Variants in NPHS2 observed in about 807,000 individuals in gnomAD.
NPHS2 encodes the protein podocin.
NPHS2 carries 36 observed loss-of-function variants against 37.1 expected under a neutral mutation model. The observed-to-expected ratio is 0.97, with a 90% CI of 0.74 to 1.28. The LOEUF (loss-of-function observed/expected upper bound fraction) is 1.28. NPHS2 is among the 50% of genes most tolerant of loss of function. NPHS2 has a pLI of 0.00. For missense variants in NPHS2, 447 were observed against 488.1 expected (o/e 0.92, Z 0.79); for synonymous variants, 196 against 189.3 (o/e 1.04, Z -0.29).
rs776016942 is a variant in NPHS2, at chr1:179,551,452, C to G, written c.874-1G>C. 1 of 1,613,028 alleles carries G rather than the reference C, an allele frequency of 6.2e-7. No homozygotes were observed. The highest frequency in any genetic ancestry group is 8.5e-7 in the Non-Finnish European group (1 of 1,180,020). ...CCTTTTCCGCTTCTGCAGCAATCAT[C>G]TAGAAAACATGTGACGAAAGCAAAG... On this transcript the variant is annotated splice_acceptor_variant, in intron 7 of 7. Coordinates refer to ENST00000367615, the MANE Select transcript of NPHS2 (RefSeq NM_014625.4). LOFTEE classifies it high-confidence loss of function.
At position 179,564,703 on chromosome 1, in the gene NPHS2, C is replaced by A. The variant is rs750332447; in HGVS notation, c.365G>T (p.Trp122Leu). 1.2e-6 allele frequency: 2 copies of A among 1,613,758 alleles called. No individual in the cohort carries two copies. Among genetic ancestry groups the A allele is most frequent in the Non-Finnish European group, 1.7e-6 (2 of 1,179,884 alleles). ...FIIMTFPFSIWFCVKVVQEYE... is the reference protein window; with the variant it reads ...FIIMTFPFSILFCVKVVQEYE... Reference sequence around the variant, plus strand: ...ATGGAATCTCACCTTTACGCAGAACCAGATGGAAAAAGGGAAGGTCATGAT... The same window carrying A: ...ATGGAATCTCACCTTTACGCAGAACAAGATGGAAAAAGGGAAGGTCATGAT... Residue 122 changes from tryptophan to leucine, a missense_variant, in exon 2 of 8, where the codon TGG becomes TTG. Coordinates refer to ENST00000367615, the MANE Select transcript of NPHS2 (RefSeq NM_014625.4).
Position 179,554,463 on chromosome 1 carries a change from A to T in NPHS2, c.794+13T>A, listed in dbSNP as rs1423094126. The T allele has an allele frequency of 6.2e-6, 10 of 1,613,992 alleles. No homozygotes were observed. Among genetic ancestry groups the T allele is most frequent in the Non-Finnish European group, 7.6e-6 (9 of 1,180,016 alleles). ...TTTATCATACAGTTCTTGCTAGTTA[A>T]TTTCCTACCCACATTTCTATTCTCT... On this transcript the variant is annotated intron_variant, in intron 6 of 7. Coordinates refer to ENST00000367615, the MANE Select transcript of NPHS2 (RefSeq NM_014625.4).
rs913564664 is a variant in NPHS2 at position 179,556,629 on chromosome 1, C to G, written c.738+398G>C. Among the ~76,000 whole-genome samples the G allele has an allele frequency of 6.6e-6, 1 of 152,152 alleles. No individual in the cohort carries two copies. Among genetic ancestry groups the G allele is most frequent in the Non-Finnish European group, 1.5e-5 (1 of 68,028 alleles). ...TTTGAACTTATTATTTAACTTGGCA[C>G]TCATTATGCTTGTTTCCCCAGGTAG... On this transcript the variant is annotated intron_variant, in intron 5 of 7. Coordinates refer to ENST00000367615, the MANE Select transcript of NPHS2 (RefSeq NM_014625.4). The surrounding 1 kb of genome is among the most constrained non-coding windows in gnomAD (Gnocchi z 4.1).
intron 2 of NPHS2, among the ~76,000 whole-genome samples, chr1:179,561,937 C>G (rs1674155365): frequency 6.6e-6 from 1 of 152,108 alleles, no homozygotes; most frequent in Admixed American, 6.5e-5. Flanking sequence ...TCCCAAGTAG[C>G]TGGTATTACA....
In NPHS2 at chr1:179,557,220, T is replaced by C; in HGVS notation, c.545A>G (p.Lys182Arg). 6.2e-7 allele frequency: 1 copy of C among 1,613,974 alleles called. No homozygotes were observed. The highest frequency in any genetic ancestry group is 8.5e-7 in the Non-Finnish European group (1 of 1,179,900). The change falls in exon 5 of 8, where the codon AAA becomes AGA. Residue 182 changes from lysine to arginine, a missense_variant. Coordinates refer to ENST00000367615, the MANE Select transcript of NPHS2 (RefSeq NM_014625.4). The stretch of plus-strand genomic sequence containing the variant: ...ATCTATCTCCATTATAAACATGTCT[T>C]TGGTCACGATCTAGGCAGAAAAAAG... The part of the protein sequence containing the change: ...LEIPFHEIVT[K>R]DMFIMEIDAI...
In NPHS2 at chr1:179,556,691, G is replaced by A. The variant is rs148543084; in HGVS notation, c.738+336C>T. On this transcript the variant is annotated intron_variant, in intron 5 of 7. Transcript: ENST00000367615. This position sits in a 1 kb window ranked among gnomAD's most constrained non-coding sequence, Gnocchi z 4.1. Reference sequence around the variant, plus strand: ...CTGGGAACCATGCTTTATCATCTTTGTGTACCAACCCCTCCTGTCCATCCC... The same window carrying A: ...CTGGGAACCATGCTTTATCATCTTTATGTACCAACCCCTCCTGTCCATCCC... 4.0e-3 allele frequency among the ~76,000 whole-genome samples: 616 copies of A among 152,204 alleles called. 1 individual carries two copies. The highest frequency in any genetic ancestry group is 6.0e-3 in the South Asian group (29 of 4,822).
In NPHS2 at chr1:179,551,760, C is replaced by G. The variant is rs186799757; in HGVS notation, c.874-309G>C. On this transcript the variant is annotated intron_variant, in intron 7 of 7. Coordinates refer to ENST00000367615, the MANE Select transcript of NPHS2 (RefSeq NM_014625.4). Reference sequence around the variant, plus strand: ...CCAACATAGAGAAAAGATTAGCCAGCATTCCATGCAAAGGCATGACGTTAT... The same window carrying G: ...CCAACATAGAGAAAAGATTAGCCAGGATTCCATGCAAAGGCATGACGTTAT... 468 of 374,004 alleles carry G rather than the reference C, an allele frequency of 1.3e-3. 2 individuals are homozygous for G. Among genetic ancestry groups the G allele is most frequent in the Non-Finnish European group, 7.9e-4 (159 of 201,880 alleles). 23.2% of individuals were successfully genotyped at this position (374,004 alleles called of 1,614,324 possible). A position where few individuals can be genotyped will look rare whatever the true frequency, so the allele number is the denominator to read the frequency against.
At chr1:179,573,948 T>C (rs2101884849) in intron 1 of NPHS2, among the ~76,000 whole-genome samples, 1 of 152,204 alleles carries the variant, frequency 6.6e-6, no homozygotes. Context: ...TGTCTGAGAG[T>C]CCCCAACATT....
rs537081997 is a variant in NPHS2, at chr1:179,566,893, C to A, written c.275-2100G>T. On this transcript the variant is annotated intron_variant, in intron 1 of 7. Transcript: ENST00000367615. ...TGGTTGTAGATGTGTTGTGTTATTT[C>A]TGAGGCCTCTGTTCTGTTCCATTGG... Among the ~76,000 whole-genome samples the A allele has an allele frequency of 2.0e-5, 3 of 152,306 alleles. No individual in the cohort carries two copies. The South Asian group carries it at 6.2e-4, about 32-fold the overall frequency.
chr1:179,553,916 T>G (rs1326278825), intron 6 of NPHS2, among the ~76,000 whole-genome samples: 1 of 149,712 alleles, frequency 6.7e-6, no homozygotes, highest in Non-Finnish European at 1.5e-5. Context: ...TGGCTAATTT[T>G]TTTTTTTTTT....
chr1:179,570,356 A>G (rs1674504998), intron 1 of NPHS2, among the ~76,000 whole-genome samples: 1 of 152,236 alleles, frequency 6.6e-6, no homozygotes, highest in Non-Finnish European at 1.5e-5. Flanking sequence ...CAAGCCAGTC[A>G]TTAGCATTGT....
At chr1:179,552,809 T>C in intron 6 of NPHS2, 128 bp from the exon 7 acceptor site, 1 of 742,044 alleles carries the variant, frequency 1.3e-6, no homozygotes, top group Non-Finnish European at 2.4e-6. Context: ...GACCAGAGTG[T>C]GCCATTCCTA....
intron 1 of NPHS2, among the ~76,000 whole-genome samples, chr1:179,574,058 TC>T (rs1454836733): frequency 6.6e-6 from 1 of 152,110 alleles, no homozygotes; most frequent in Non-Finnish European, 1.5e-5. Context: ...TACTCTCTGT[TC>T]CCCGTGAGCT....
rs146817770 is a variant in NPHS2, at chr1:179,552,939, T to C, written c.795-258A>G. 2.2e-4 allele frequency among the ~76,000 whole-genome samples: 34 copies of C among 152,330 alleles called. No homozygotes were observed. The East Asian group carries it at 5.4e-3, about 24-fold the overall frequency. ...CATTATCAGCACAGCAGGTTTTGTA[T>C]TGATGAGCTGTGCTCAGTTTTTCCG... On this transcript the variant is annotated intron_variant, in intron 6 of 7. Transcript: ENST00000367615.
chr1:179,560,591 C>G (rs1434319760), intron 3 of NPHS2, among the ~76,000 whole-genome samples: 2 of 152,092 alleles, frequency 1.3e-5, no homozygotes, highest in African/African-American at 4.8e-5. Flanking sequence ...TGTCCCTAGT[C>G]TGGTCTCTGT....
At chr1:179,565,820 T>C (rs1674313650) in intron 1 of NPHS2, among the ~76,000 whole-genome samples, 1 of 146,238 alleles carries the variant, frequency 6.8e-6, no homozygotes, top group Non-Finnish European at 1.5e-5. Flanking sequence ...AAACATGTGG[T>C]GTTTGCTTTT....
Position 179,550,744 on chromosome 1 carries a change from T to G in NPHS2, c.*429A>C. 4.4e-6 allele frequency: 1 copy of G among 226,784 alleles called. No homozygotes were observed. Among genetic ancestry groups the G allele is most frequent in the Non-Finnish European group, 8.8e-6 (1 of 113,296 alleles). 14.0% of individuals were successfully genotyped at this position (226,784 alleles called of 1,614,324 possible). A position where few individuals can be genotyped will look rare whatever the true frequency, so the allele number is the denominator to read the frequency against. On this transcript the variant is annotated 3_prime_UTR_variant, in exon 8 of 8. Coordinates refer to ENST00000367615, the MANE Select transcript of NPHS2 (RefSeq NM_014625.4). ...TATCATTGGAGAGAAGACTGCATCT[T>G]TGGGACAGAAGAGCAATAGAGTGTG...
chr1:179,565,822 T>G (rs551999011), intron 1 of NPHS2, among the ~76,000 whole-genome samples: 1 of 150,840 alleles, frequency 6.6e-6, no homozygotes, highest in East Asian at 2.0e-4. Context: ...ACATGTGGTG[T>G]TTGCTTTTCT....
intron 6 of NPHS2, among the ~76,000 whole-genome samples, chr1:179,554,069 C>T (rs764228390): frequency 4.6e-5 from 7 of 152,078 alleles, no homozygotes; most frequent in Non-Finnish European, 1.0e-4. Context: ...TGTGCTACCA[C>T]GCCCAGCTAA....
Sources: gnomAD v4.1 joint callset for allele counts (sites outside exome capture counted in the v4.1 genomes callset) on GRCh38, gnomAD v4.1.1 for gene constraint, Gnocchi (gnomAD v3.1) non-coding constraint, MANE v1.5 for transcripts, NCBI Gene and HGNC (gene_info 2026-07-23, HGNC 2026-07-21) for gene names.